CELF2: variants seen among roughly 807,000 people sequenced by gnomAD.
CELF2 encodes CUGBP Elav-like family member 2.
CELF2 carries 8 observed loss-of-function variants against 62.6 expected under a neutral mutation model. The ratio of observed to expected loss-of-function variants is 0.13; its 90% CI spans 0.07 to 0.23. The LOEUF (loss-of-function observed/expected upper bound fraction) is 0.23. Among genes scored for constraint, CELF2 ranks in the 10% least tolerant of loss-of-function variants. CELF2 has a pLI of 1.00. For synonymous variants in CELF2, 258 were observed against 250.0 expected (o/e 1.03, Z -0.30); for missense variants, 333 against 671.0 (o/e 0.50, Z 5.56).
intron 1 of CELF2, among the ~76,000 whole-genome samples, chr10:11,048,722 A>G (rs971026428): frequency 1.3e-5 from 2 of 152,252 alleles, no homozygotes; most frequent in Non-Finnish European, 2.9e-5. Flanking sequence ...TAAACTGGAT[A>G]CATTACAGAG....
At chr10:10,524,986 G>A in the CELF2 span, among the ~76,000 whole-genome samples, 7 of 152,264 alleles carry the variant, frequency 4.6e-5, no homozygotes, top group South Asian at 1.5e-3. Context: ...GTGTATACAG[G>A]TGTGTACATA....
At chr10:10,906,053 A>G (rs1157943596) in intron 1 of CELF2, among the ~76,000 whole-genome samples, 2 of 152,194 alleles carry the variant, frequency 1.3e-5, no homozygotes, top group African/African-American at 4.8e-5. Context: ...CCTGGGCGAT[A>G]GAGCCAGATT....
At chr10:10,818,251 G>A (rs974785738) in intron 1 of CELF2, among the ~76,000 whole-genome samples, 3 of 152,148 alleles carry the variant, frequency 2.0e-5, no homozygotes, top group Non-Finnish European at 4.4e-5. Flanking sequence ...CCACCCATCT[G>A]TTCTGCCAGG....
At chr10:10,553,970 G>C in the CELF2 span, among the ~76,000 whole-genome samples, 1 of 152,274 alleles carries the variant, frequency 6.6e-6, no homozygotes, top group East Asian at 1.9e-4. Context: ...CATGATCATA[G>C]TGACAATTTG....
At chr10:10,491,275 C>A in the CELF2 span, among the ~76,000 whole-genome samples, 3 of 152,150 alleles carry the variant, frequency 2.0e-5, no homozygotes, top group African/African-American at 7.2e-5. Flanking sequence ...AAAACTTCAT[C>A]CAGACACACT....
chr10:10,619,124 G>A, the CELF2 span, among the ~76,000 whole-genome samples: 1 of 152,186 alleles, frequency 6.6e-6, no homozygotes, highest in Admixed American at 6.5e-5. Context: ...TTTCCTATTG[G>A]CACAGCTGCT....
the CELF2 span, among the ~76,000 whole-genome samples, chr10:10,650,920 C>G: frequency 6.6e-6 from 1 of 152,052 alleles, no homozygotes; most frequent in African/African-American, 2.4e-5. Flanking sequence ...GCGTGAGCGA[C>G]GCAGAAGACC....
Position 11,220,227 on chromosome 10 carries a change from A to C in CELF2, c.354+2720A>C, listed in dbSNP as rs150482623. Among the ~76,000 whole-genome samples the C allele has an allele frequency of 4.9e-4, 74 of 152,298 alleles. No homozygotes were observed. The highest frequency in any genetic ancestry group is 1.7e-3 in the African/African-American group (70 of 41,558). ...TTTCGATTTAAAACAAGATCAAATA[A>C]TGCTAGGGTTTTTTCCGATGTAATT... On this transcript the variant is annotated intron_variant, in intron 3 of 12. Coordinates refer to ENST00000633077, the MANE Select transcript of CELF2 (RefSeq NM_001326342.2). This position sits in a 1 kb window ranked among gnomAD's most constrained non-coding sequence, Gnocchi z 4.4.
intron 2 of CELF2, among the ~76,000 whole-genome samples, chr10:10,978,461 G>C (rs913147287): frequency 6.6e-6 from 1 of 152,070 alleles, no homozygotes; most frequent in South Asian, 2.1e-4. Context: ...AATTAAGATG[G>C]CAAGAACAGA....
intron 2 of CELF2, among the ~76,000 whole-genome samples, chr10:10,994,185 T>A (rs1377888535): frequency 1.3e-5 from 2 of 152,160 alleles, no homozygotes; most frequent in African/African-American, 4.8e-5. Flanking sequence ...GAAGGGGATA[T>A]TTCATTATTT....
In CELF2 at chr10:10,940,358, C is replaced by G. The variant is rs116432695; in HGVS notation, c.89+20359C>G. On this transcript the variant is annotated intron_variant, in intron 2 of 13. Transcript: ENST00000636488. ...TAGGTCTCAATGAATCATTGAAGAA[C>G]TGTAGATAATCCCTGCTAAGTCCCA... Among the ~76,000 whole-genome samples the G allele has an allele frequency of 6.2e-3, 937 of 152,218 alleles. 7 individuals carry two copies. The highest frequency in any genetic ancestry group is 0.022 in the African/African-American group (896 of 41,534).
At chr10:10,660,630 A>T in the CELF2 span, among the ~76,000 whole-genome samples, 17 of 152,230 alleles carry the variant, frequency 1.1e-4, no homozygotes, top group Non-Finnish European at 2.2e-4. Flanking sequence ...AGGCTGAGAC[A>T]GCATTTATTT....
At chr10:10,580,135 A>G in the CELF2 span, among the ~76,000 whole-genome samples, 1 of 152,216 alleles carries the variant, frequency 6.6e-6, no homozygotes, top group African/African-American at 2.4e-5. Context: ...ATATGTTTTC[A>G]TATGAACACT....
At chr10:11,001,401 G>C (rs2054505663), upstream of CELF2, among the ~76,000 whole-genome samples, 1 of 152,112 alleles carries the variant, frequency 6.6e-6, no homozygotes, top group African/African-American at 2.4e-5. Context: ...CCATTGAAAT[G>C]ATACTTTCTA....
chr10:10,555,725 C>T, the CELF2 span, among the ~76,000 whole-genome samples: 1 of 152,154 alleles, frequency 6.6e-6, no homozygotes, highest in Admixed American at 6.5e-5. Context: ...GTGTACAACA[C>T]ATGCACACAC....
At chr10:10,673,802 A>G in the CELF2 span, among the ~76,000 whole-genome samples, 1 of 152,132 alleles carries the variant, frequency 6.6e-6, no homozygotes, top group Non-Finnish European at 1.5e-5. Flanking sequence ...ATAGAAGTCT[A>G]TTTTTTAATC....
At chr10:11,052,253 C>A (rs573057731) in intron 1 of CELF2, among the ~76,000 whole-genome samples, 2 of 152,264 alleles carry the variant, frequency 1.3e-5, no homozygotes, top group East Asian at 1.9e-4. Flanking sequence ...TTAATACTTT[C>A]TTTTGCTAAA....
intron 1 of CELF2, among the ~76,000 whole-genome samples, chr10:10,838,997 T>C (rs755711320): frequency 1.3e-5 from 2 of 152,004 alleles, no homozygotes; most frequent in Non-Finnish European, 2.9e-5. Context: ...TACAAAAATA[T>C]TAGCCAGACG....
At chr10:11,200,665 C>T (rs148125892) in intron 2 of CELF2, among the ~76,000 whole-genome samples, 182 of 152,356 alleles carry the variant, frequency 1.2e-3, no homozygotes, top group African/African-American at 4.2e-3. Flanking sequence ...GGTCAGACTT[C>T]TGTGCCCCTC....
Sources: allele counts gnomAD v4.1 joint callset (sites outside exome capture counted in the v4.1 genomes callset), GRCh38; gene constraint gnomAD v4.1.1; non-coding constraint Gnocchi (gnomAD v3.1); transcripts MANE v1.5; gene names NCBI Gene and HGNC (gene_info 2026-07-23, HGNC 2026-07-21).